The following BABAM2 variants were observed in gnomAD, a reference collection of about 807,000 sequenced individuals.
BABAM2 encodes BRISC and BRCA1 A complex member 2, also known as BRISC and BRCA1-A complex member 2.
In BABAM2, 31 loss-of-function variants were observed where a neutral mutation model predicts 54.7. That is an observed-to-expected ratio of 0.57 (90% CI 0.43 to 0.77). The LOEUF is 0.77. Ranked by LOEUF, BABAM2 falls within the 30% of genes least tolerant of loss-of-function variation. BABAM2 has a pLI of 0.00. For synonymous variants in BABAM2, 167 were observed against 162.9 expected, an observed-to-expected ratio of 1.03 and a Z score of -0.19; for missense variants, 364 against 455.8, an observed-to-expected ratio of 0.80 and a Z score of 1.83.
At chr2:28,320,834 T>C (rs1230365047) in intron 11 of BABAM2, among the ~76,000 whole-genome samples, 2 of 152,076 alleles carry the variant, frequency 1.3e-5, no homozygotes, top group African/African-American at 4.8e-5. Context: ...CTTGGTCAAG[T>C]TACTCCTCTC....
chr2:28,330,105 A>G (rs1015489170), intron 11 of BABAM2, among the ~76,000 whole-genome samples: 3 of 152,248 alleles, frequency 2.0e-5, no homozygotes, highest in African/African-American at 7.2e-5. Context: ...CAATAGATGC[A>G]GAAAAGGCCT....
chr2:28,151,197 C>G (rs1422222447), intron 7 of BABAM2, among the ~76,000 whole-genome samples: 1 of 152,132 alleles, frequency 6.6e-6, no homozygotes, highest in Non-Finnish European at 1.5e-5. Context: ...TTTGCTGACT[C>G]AAGATGATTT....
chr2:28,157,795 A>T (rs537008928), intron 7 of BABAM2, among the ~76,000 whole-genome samples: 43 of 152,200 alleles, frequency 2.8e-4, no homozygotes, highest in African/African-American at 9.4e-4. Context: ...TATTTTTAGT[A>T]GAGAGGGGTT....
At chr2:28,227,991 C>A (rs959401267) in intron 7 of BABAM2, among the ~76,000 whole-genome samples, 2 of 152,174 alleles carry the variant, frequency 1.3e-5, no homozygotes, top group Admixed American at 6.5e-5. Context: ...TCCAGTTTCA[C>A]TGTTTCCAGC....
intron 7 of BABAM2, among the ~76,000 whole-genome samples, chr2:28,175,252 C>T (rs1298916259): frequency 1.3e-5 from 2 of 152,200 alleles, no homozygotes; most frequent in African/African-American, 4.8e-5. Context: ...CCCTGCAGGG[C>T]TGCAGAGCAC....
rs1054122467 is a variant in BABAM2 at position 28,329,175 on chromosome 2, CT to C, written c.1089-9274del. ...TTATGTCATTTTCCAGGCATTACCCCTGATAACTTATGCTTCCTGAGCTAGA... is the reference window on the plus strand; with the variant it reads ...TTATGTCATTTTCCAGGCATTACCCCGATAACTTATGCTTCCTGAGCTAGA... On this transcript the variant is annotated intron_variant, in intron 11 of 11. Coordinates refer to ENST00000379624, the MANE Select transcript of BABAM2 (RefSeq NM_199191.3). This position sits in a 1 kb window ranked among gnomAD's most constrained non-coding sequence, Gnocchi z 4.2. Among the ~76,000 whole-genome samples, 29 of 152,206 alleles carry C rather than the reference CT, an allele frequency of 1.9e-4. No homozygotes were observed. Among genetic ancestry groups the C allele is most frequent in the African/African-American group, 6.8e-4 (28 of 41,430 alleles).
At chr2:28,000,241 A>C (rs1373882662) in intron 4 of BABAM2, among the ~76,000 whole-genome samples, 1 of 152,066 alleles carries the variant, frequency 6.6e-6, no homozygotes, top group Non-Finnish European at 1.5e-5. Context: ...CATTGCATTT[A>C]GTCTTCATGT....
At chr2:28,098,644 G>A (rs1035726125) in intron 6 of BABAM2, among the ~76,000 whole-genome samples, 18 of 152,240 alleles carry the variant, frequency 1.2e-4, no homozygotes, top group Admixed American at 7.2e-4. Flanking sequence ...CATGAAAGTC[G>A]CAGCCAGCAC....
intron 3 of BABAM2, among the ~76,000 whole-genome samples, chr2:27,937,219 G>T (rs1418086776): frequency 1.3e-5 from 2 of 152,158 alleles, no homozygotes; most frequent in African/African-American, 4.8e-5. Flanking sequence ...ATTCTACGTA[G>T]ATAGCTGTGA....
intron 5 of BABAM2, among the ~76,000 whole-genome samples, chr2:28,041,255 A>C (rs1393155670): frequency 1.3e-5 from 2 of 152,212 alleles, no homozygotes; most frequent in Non-Finnish European, 2.9e-5. Flanking sequence ...ATTGCATTTT[A>C]ATTTACAGGT....
Position 27,900,120 on chromosome 2 carries a change from T to C in BABAM2, c.128+5436T>C, listed in dbSNP as rs1465650182. ...TGTCACTTTTGGCATTCCTTTCTTTTAGATCTTCAGCAGACACAGTTATGA... is the reference window on the plus strand; with the variant it reads ...TGTCACTTTTGGCATTCCTTTCTTTCAGATCTTCAGCAGACACAGTTATGA... On this transcript the variant is annotated intron_variant, in intron 2 of 11. Transcript: ENST00000379624. 2.0e-5 allele frequency among the ~76,000 whole-genome samples: 3 copies of C among 152,220 alleles called. No homozygotes were observed. The East Asian group carries it at 5.8e-4, about 29-fold the overall frequency.
At chr2:28,127,226 A>G (rs1200303616) in intron 6 of BABAM2, among the ~76,000 whole-genome samples, 1 of 152,198 alleles carries the variant, frequency 6.6e-6, no homozygotes, top group Non-Finnish European at 1.5e-5. Context: ...TTTAAAAAAG[A>G]AAGAAAACGG....
At chr2:28,050,603 A>T (rs931593871) in intron 6 of BABAM2, among the ~76,000 whole-genome samples, 1 of 152,262 alleles carries the variant, frequency 6.6e-6, no homozygotes, top group East Asian at 1.9e-4. Context: ...AAACAACAAA[A>T]GAAATTCAAG....
chr2:27,904,418 A>G (rs1240443643), intron 2 of BABAM2, among the ~76,000 whole-genome samples: 1 of 152,242 alleles, frequency 6.6e-6, no homozygotes, highest in East Asian at 1.9e-4. Flanking sequence ...TTATGGTCCC[A>G]GAGAAAGACC....
intron 11 of BABAM2, among the ~76,000 whole-genome samples, chr2:28,327,808 C>T (rs1690607799): frequency 6.6e-6 from 1 of 152,180 alleles, no homozygotes; most frequent in South Asian, 2.1e-4. Context: ...CGATATCAAG[C>T]CTTTGCATCT....
intron 6 of BABAM2, among the ~76,000 whole-genome samples, chr2:28,080,956 G>A (rs571535422): frequency 5.9e-5 from 9 of 152,192 alleles, no homozygotes; most frequent in East Asian, 1.9e-4. Context: ...AAGAACCTTC[G>A]TCTGGATCTT....
chr2:28,003,318 C>T (rs1673710709), intron 4 of BABAM2, among the ~76,000 whole-genome samples: 1 of 152,120 alleles, frequency 6.6e-6, no homozygotes, highest in African/African-American at 2.4e-5. Context: ...TTGCTGGATC[C>T]TAGCTCCCAG....
At chr2:27,999,204 T>C (rs914380915) in intron 4 of BABAM2, among the ~76,000 whole-genome samples, 22 of 152,130 alleles carry the variant, frequency 1.4e-4, no homozygotes, top group Admixed American at 3.9e-4. Context: ...TTTTAATGAA[T>C]GAATATGCTG....
At chr2:28,285,505 T>C (rs973727486) in intron 10 of BABAM2, among the ~76,000 whole-genome samples, 7 of 152,134 alleles carry the variant, frequency 4.6e-5, no homozygotes, top group African/African-American at 1.2e-4. Context: ...TAAAAATAGG[T>C]TAATGAAGGT....
Sources: gnomAD v4.1 joint callset for allele counts (sites outside exome capture counted in the v4.1 genomes callset) on GRCh38, gnomAD v4.1.1 for gene constraint, Gnocchi (gnomAD v3.1) non-coding constraint, MANE v1.5 for transcripts, NCBI Gene and HGNC (gene_info 2026-07-23, HGNC 2026-07-21) for gene names.